The following ADAMTS20 variants were observed in gnomAD, a reference collection of about 807,000 sequenced individuals.
The protein encoded by ADAMTS20 is A disintegrin and metalloproteinase with thrombospondin motifs 20.
In ADAMTS20, 225 loss-of-function variants were observed where a neutral mutation model predicts 260.1. The ratio of observed to expected loss-of-function variants is 0.87; its 90% CI spans 0.78 to 0.97. ADAMTS20 has a LOEUF of 0.97. Among genes scored for constraint, ADAMTS20 ranks in the 50% least tolerant of loss-of-function variants. The probability of loss-of-function intolerance (pLI) is 0.00; values close to 1 mark genes in which losing one functional copy is unlikely to be tolerated. For synonymous variants in ADAMTS20, 802 were observed against 769.5 expected, an observed-to-expected ratio of 1.04 and a Z score of -0.70; for missense variants, 2,400 against 2,337.7, an observed-to-expected ratio of 1.03 and a Z score of -0.55.
At chr12:43,454,073 A>T in intron 11 of ADAMTS20, 21 bp from the exon 12 acceptor site, 1 of 1,605,790 alleles carries the variant, frequency 6.2e-7, no homozygotes, top group South Asian at 1.1e-5. Flanking sequence ...AATAAGCACA[A>T]AAAGAAATGA....
At chr12:43,471,398 G>T (rs1250357684) in intron 7 of ADAMTS20, among the ~76,000 whole-genome samples, 1 of 120,016 alleles carries the variant, frequency 8.3e-6, no homozygotes, top group Non-Finnish European at 1.7e-5. Context: ...AGGCGGCAGC[G>T]AGGCTGGGGG....
At chr12:43,531,164 A>G (rs1176654418) in intron 3 of ADAMTS20, among the ~76,000 whole-genome samples, 1 of 152,068 alleles carries the variant, frequency 6.6e-6, no homozygotes, top group African/African-American at 2.4e-5. Flanking sequence ...AACTGTTCCT[A>G]CATGCACCAA....
chr12:43,394,558 C>T (rs1280974147), intron 29 of ADAMTS20, among the ~76,000 whole-genome samples: 1 of 152,054 alleles, frequency 6.6e-6, no homozygotes, highest in Non-Finnish European at 1.5e-5. Context: ...ATGCAACAGA[C>T]ATTTTTACAT....
At chr12:43,451,954 C>A (rs187933174) in intron 14 of ADAMTS20, among the ~76,000 whole-genome samples, 247 of 152,196 alleles carry the variant, frequency 1.6e-3, no homozygotes, top group Non-Finnish European at 2.7e-3. Context: ...GTAGCAAAAT[C>A]TCCTTACAAT....
At chr12:43,498,329 C>T (rs941679454) in intron 4 of ADAMTS20, among the ~76,000 whole-genome samples, 3 of 152,184 alleles carry the variant, frequency 2.0e-5, no homozygotes, top group African/African-American at 7.2e-5. Context: ...AAGAAGACAG[C>T]ACAATTGTTT....
At chr12:43,528,421 G>C (rs1592111658) in intron 3 of ADAMTS20, among the ~76,000 whole-genome samples, 2 of 133,618 alleles carry the variant, frequency 1.5e-5, no homozygotes, top group East Asian at 5.2e-4. Context: ...TATACTACAA[G>C]GCTATAGTAA....
chr12:43,523,967 G>A, intron 3 of ADAMTS20, among the ~76,000 whole-genome samples: 1 of 151,526 alleles, frequency 6.6e-6, no homozygotes, highest in Admixed American at 6.6e-5. Context: ...CCTCCCCTGG[G>A]TAACATAAGG....
chr12:43,392,689 C>A (rs1269332767), intron 29 of ADAMTS20, among the ~76,000 whole-genome samples: 1 of 152,068 alleles, frequency 6.6e-6, no homozygotes, highest in Non-Finnish European at 1.5e-5. Context: ...GTTTTCAAAT[C>A]TTTTCTTAGT....
chr12:43,440,063 GA>G lies in ADAMTS20; in HGVS notation c.2296del (p.Ser766LeufsTer15). On this transcript the variant is annotated frameshift_variant, in exon 17 of 39. Coordinates refer to ENST00000389420, the MANE Select transcript of ADAMTS20 (RefSeq NM_025003.5). LOFTEE classifies it high-confidence loss of function. ...GAAAAGAAAATTCCCTTCAGCGTCAGATAATGCTGTAAAAGAATAAAGCATA... is the reference window on the plus strand; with the variant it reads ...GAAAAGAAAATTCCCTTCAGCGTCAGTAATGCTGTAAAAGAATAAAGCATA... ...GQPDDSYLAL[S>X]DAEGNFLFNG... 1 of 1,535,544 alleles carries G rather than the reference GA, an allele frequency of 6.5e-7. No homozygotes were observed. Among genetic ancestry groups the G allele is most frequent in the East Asian group, 2.5e-5 (1 of 40,728 alleles).
intron 6 of ADAMTS20, 62 bp downstream of exon 6, chr12:43,492,443 A>G: frequency 2.0e-6 from 3 of 1,505,036 alleles, no homozygotes; most frequent in Non-Finnish European, 2.7e-6. Flanking sequence ...AAGAAGAAGT[A>G]TCAGTCATGC....
At chr12:43,483,889 A>C (rs958859575) in intron 7 of ADAMTS20, among the ~76,000 whole-genome samples, 1 of 152,178 alleles carries the variant, frequency 6.6e-6, no homozygotes, top group African/African-American at 2.4e-5. Context: ...TCCAGTGAAT[A>C]AAGTAATTGG....
At chr12:43,424,726 A>G (rs746173449) in intron 28 of ADAMTS20, among the ~76,000 whole-genome samples, 2 of 152,082 alleles carry the variant, frequency 1.3e-5, no homozygotes, top group Non-Finnish European at 2.9e-5. Flanking sequence ...CATAAATAAT[A>G]TAATAGTCCT....
chr12:43,403,899 T>C (rs1471942828), intron 28 of ADAMTS20, among the ~76,000 whole-genome samples: 1 of 152,098 alleles, frequency 6.6e-6, no homozygotes, highest in East Asian at 1.9e-4. Flanking sequence ...CAAGTCATCA[T>C]ATCATTGCAC....
intron 27 of ADAMTS20, among the ~76,000 whole-genome samples, chr12:43,426,896 T>C (rs1416831159): frequency 2.6e-5 from 4 of 152,106 alleles, no homozygotes; most frequent in African/African-American, 9.7e-5. Flanking sequence ...TGACAGAACA[T>C]CTATTAAAAG....
chr12:43,502,538 G>T lies in ADAMTS20; in HGVS notation c.614-133C>A, dbSNP rs183129184. On this transcript the variant is annotated intron_variant, in intron 3 of 38. Transcript: ENST00000389420. ...CAACATGAAAATAAAAGAACAAAGAGAAATTGTTATTTAAAATAGTATTGT... is the reference window on the plus strand; with the variant it reads ...CAACATGAAAATAAAAGAACAAAGATAAATTGTTATTTAAAATAGTATTGT... 74 of 850,046 alleles carry T rather than the reference G, an allele frequency of 8.7e-5. 1 individual carries two copies. The East Asian group carries it at 1.5e-3, about 17-fold the overall frequency. 52.7% of individuals were successfully genotyped at this position (850,046 alleles called of 1,614,324 possible). A position where few individuals can be genotyped will look rare whatever the true frequency, so the allele number is the denominator to read the frequency against.
At chr12:43,371,113 C>G (rs78904270) in intron 36 of ADAMTS20, among the ~76,000 whole-genome samples, 7,892 of 152,246 alleles carry the variant, frequency 0.052, 686 homozygotes, top group African/African-American at 0.18. Context: ...TTCTAATAAG[C>G]TACCATCCCC....
chr12:43,410,033 T>C (rs1350912404), intron 28 of ADAMTS20, among the ~76,000 whole-genome samples: 1 of 152,214 alleles, frequency 6.6e-6, no homozygotes, highest in Admixed American at 6.5e-5. Flanking sequence ...TTATAGCTAG[T>C]CAATTATTCC....
At chr12:43,489,194 T>A (rs1474381918) in intron 7 of ADAMTS20, among the ~76,000 whole-genome samples, 1 of 148,130 alleles carries the variant, frequency 6.8e-6, no homozygotes, top group East Asian at 1.9e-4. Context: ...CAGGATAATA[T>A]GTTTAGACCT....
At chr12:43,464,967 T>G (rs1354529029) in intron 9 of ADAMTS20, among the ~76,000 whole-genome samples, 1 of 152,048 alleles carries the variant, frequency 6.6e-6, no homozygotes, top group Non-Finnish European at 1.5e-5. Context: ...CCCACAACCA[T>G]CTTGAAGGTG....
Sources: gnomAD v4.1 joint callset for allele counts (sites outside exome capture counted in the v4.1 genomes callset) on GRCh38, gnomAD v4.1.1 for gene constraint, MANE v1.5 for transcripts, NCBI Gene and HGNC (gene_info 2026-07-23, HGNC 2026-07-21) for gene names.